The following APBA2 variants were observed in gnomAD, a reference collection of about 807,000 sequenced individuals.
The protein encoded by APBA2 is amyloid-beta A4 precursor protein-binding family A member 2.
APBA2 carries 30 observed loss-of-function variants against 75.0 expected under a neutral mutation model. The observed-to-expected ratio is 0.40, with a 90% CI of 0.30 to 0.54. The LOEUF (loss-of-function observed/expected upper bound fraction) is 0.54, where lower values mean the gene tolerates loss of function less well. Among genes scored for constraint, APBA2 ranks in the 20% least tolerant of loss-of-function variants. The probability of loss-of-function intolerance (pLI) is 0.49; values close to 1 mark genes in which losing one functional copy is unlikely to be tolerated. For missense variants in APBA2, 801 were observed against 1,016.1 expected (o/e 0.79, Z 2.88); for synonymous variants, 444 against 409.6 (o/e 1.08, Z -1.01).
At chr15:28,956,694 C>T (rs1472187249) in intron 2 of APBA2, among the ~76,000 whole-genome samples, 1 of 152,162 alleles carries the variant, frequency 6.6e-6, no homozygotes, top group African/African-American at 2.4e-5. Flanking sequence ...CCCTGCAAAA[C>T]TGAAACTCTG....
chr15:29,036,401 T>C (rs1368383649), intron 3 of APBA2, among the ~76,000 whole-genome samples: 1 of 152,158 alleles, frequency 6.6e-6, no homozygotes, highest in East Asian at 1.9e-4. Context: ...AGATGCTCAC[T>C]TCAAAGCGAG....
At chr15:28,949,408 C>A (rs1051414130) in intron 2 of APBA2, among the ~76,000 whole-genome samples, 3 of 152,222 alleles carry the variant, frequency 2.0e-5, no homozygotes, top group Admixed American at 6.5e-5. Flanking sequence ...CGTTAACCAG[C>A]CAGTTCCTAC....
chr15:29,079,219 G>T (rs2042981763), intron 6 of APBA2, among the ~76,000 whole-genome samples: 2 of 152,228 alleles, frequency 1.3e-5, no homozygotes, highest in South Asian at 4.2e-4. Context: ...GCCCTTCTTG[G>T]TGGGAGTTTT....
chr15:28,999,997 TG>T (rs2038758020), intron 3 of APBA2, among the ~76,000 whole-genome samples: 1 of 151,822 alleles, frequency 6.6e-6, no homozygotes. Context: ...AGGCAGAGAG[TG>T]AATTCAACCC....
At chr15:28,964,928 TCTTAA>T (rs1344872038) in intron 2 of APBA2, among the ~76,000 whole-genome samples, 3 of 152,054 alleles carry the variant, frequency 2.0e-5, no homozygotes, top group African/African-American at 4.8e-5. Context: ...TTTTCTGTTA[TCTTAA>T]CTTGACCCTT....
chr15:28,959,279 A>G (rs960817207), intron 2 of APBA2, among the ~76,000 whole-genome samples: 1 of 152,186 alleles, frequency 6.6e-6, no homozygotes, highest in East Asian at 1.9e-4. Context: ...GAGCCTCCGC[A>G]TTCAAATATA....
In APBA2 at chr15:29,053,982, A is replaced by G; in HGVS notation, c.98A>G (p.Asp33Gly). Residue 33 changes from aspartate to glycine, a missense_variant, in exon 4 of 15, where the codon GAC becomes GGC. Around this residue, in one of 2 missense-constraint regions of APBA2, gnomAD observed 434 missense variants for 471.6 expected, o/e 0.92. Transcript: ENST00000683413. Reference sequence around the variant, plus strand: ...CACAGCCAGGAGCCCGAGAGCGAGGACATGGAGCTGCCCTTGGAGGGCTAT... The same window carrying G: ...CACAGCCAGGAGCCCGAGAGCGAGGGCATGGAGCTGCCCTTGGAGGGCTAT... ...VPHSQEPESE[D>G]MELPLEGYVP... The G allele has an allele frequency of 6.2e-7, 1 of 1,613,982 alleles. No homozygotes were observed. Among genetic ancestry groups the G allele is most frequent in the Non-Finnish European group, 8.5e-7 (1 of 1,179,980 alleles).
At chr15:29,056,660 TC>T in intron 4 of APBA2, among the ~76,000 whole-genome samples, 1 of 119,574 alleles carries the variant, frequency 8.4e-6, no homozygotes, top group Non-Finnish European at 1.7e-5. Context: ...TCTCTCTCTC[TC>T]TCTTTCTTTC....
At chr15:29,052,618 A>G (rs985589366) in intron 3 of APBA2, among the ~76,000 whole-genome samples, 3 of 152,054 alleles carry the variant, frequency 2.0e-5, no homozygotes, top group African/African-American at 4.8e-5. Context: ...GCCCAGAGAG[A>G]CAGGGCTAAA....
Position 28,948,548 on chromosome 15 carries a change from G to A in APBA2, c.-95+26799G>A, listed in dbSNP as rs527260791. 7.9e-5 allele frequency among the ~76,000 whole-genome samples: 12 copies of A among 152,228 alleles called. No individual in the cohort carries two copies. In the South Asian group the frequency reaches 1.9e-3, roughly 24 times the overall value. On this transcript the variant is annotated intron_variant, in intron 2 of 14. Transcript: ENST00000683413. ...TCCTGGTGTGTCCAGTTTTGTCCCC[G>A]CAGCTTCACTGGCTGTCAGAGCCAC...
chr15:28,953,538 G>A (rs1040514630), intron 2 of APBA2, among the ~76,000 whole-genome samples: 9 of 151,864 alleles, frequency 5.9e-5, no homozygotes, highest in Admixed American at 3.9e-4. Flanking sequence ...CGCTCCAGTC[G>A]GACTTTTGCC....
chr15:28,900,866 T>C (rs1184734864), intron 1 of APBA2, among the ~76,000 whole-genome samples: 2 of 152,194 alleles, frequency 1.3e-5, no homozygotes, highest in Non-Finnish European at 2.9e-5. Flanking sequence ...CCTTGTAATA[T>C]GTATTGTAAA....
rs1476063601 is a variant in APBA2 at position 29,116,794 on chromosome 15, C to T, written c.2179-268C>T. Among the ~76,000 whole-genome samples the T allele has an allele frequency of 2.0e-5, 3 of 152,270 alleles. No individual in the cohort carries two copies. In the East Asian group the frequency reaches 5.8e-4, roughly 30 times the overall value. On this transcript the variant is annotated intron_variant, in intron 14 of 14. Coordinates refer to ENST00000683413, the MANE Select transcript of APBA2 (RefSeq NM_001353788.2). ...ACTAGAAGTCCAATTTCTCACCCCT[C>T]GGGTGTCAGCTGGACTGGAAGCAAA...
chr15:28,967,559 C>G (rs1240596990), intron 2 of APBA2, among the ~76,000 whole-genome samples: 8 of 152,106 alleles, frequency 5.3e-5, no homozygotes, highest in African/African-American at 1.9e-4. Flanking sequence ...CTGCCTCAGC[C>G]TCCCAAGTAG....
chr15:29,012,660 A>G (rs1158289983), intron 3 of APBA2, among the ~76,000 whole-genome samples: 1 of 152,120 alleles, frequency 6.6e-6, no homozygotes, highest in Non-Finnish European at 1.5e-5. Context: ...CCAGTATTGC[A>G]TTATTAATTT....
Position 29,114,008 on chromosome 15 carries a change from G to A in APBA2, c.2170G>A (p.Val724Ile), listed in dbSNP as rs997231394. ...EKIVQALSNSVGEIHMKTMPA... is the reference protein window; with the variant it reads ...EKIVQALSNSIGEIHMKTMPA... Reference sequence around the variant, plus strand: ...GATAGTCCAAGCTCTGTCCAACTCGGTCGGAGAGGTAAGGAGGGACTTTGA... The same window carrying A: ...GATAGTCCAAGCTCTGTCCAACTCGATCGGAGAGGTAAGGAGGGACTTTGA... Residue 724 changes from valine (V) to isoleucine (I), a missense_variant, in exon 14 of 15, where the codon GTC becomes ATC. Coordinates refer to ENST00000683413, the MANE Select transcript of APBA2 (RefSeq NM_001353788.2). 6.2e-7 allele frequency: 1 copy of A among 1,613,840 alleles called. No individual in the cohort carries two copies. Among genetic ancestry groups the A allele is most frequent in the Non-Finnish European group, 8.5e-7 (1 of 1,180,038 alleles).
chr15:29,031,709 A>G (rs975690232), intron 3 of APBA2, among the ~76,000 whole-genome samples: 1 of 152,118 alleles, frequency 6.6e-6, no homozygotes, highest in Non-Finnish European at 1.5e-5. Context: ...GGTGCATTTT[A>G]CAATCCTCTT....
At chr15:29,017,839 T>A (rs1192643241) in intron 3 of APBA2, among the ~76,000 whole-genome samples, 1 of 152,224 alleles carries the variant, frequency 6.6e-6, no homozygotes, top group Non-Finnish European at 1.5e-5. Context: ...GGCAATATCT[T>A]CTTCTATTTA....
rs117505960 is a variant in APBA2, at chr15:29,030,514, C to T, written c.-40-23331C>T. Among the ~76,000 whole-genome samples, 1,449 of 151,294 alleles carry T rather than the reference C, an allele frequency of 9.6e-3. 11 individuals carry two copies. Among genetic ancestry groups the T allele is most frequent in the Non-Finnish European group, 0.016 (1,055 of 67,764 alleles). On this transcript the variant is annotated intron_variant, in intron 3 of 14. Transcript: ENST00000683413. The stretch of plus-strand genomic sequence containing the variant: ...TAATAATAATAAAATAAAGGAGAAA[C>T]GCTTAAGGGAATTCTGTTTATTCAG...
Sources: gnomAD v4.1 joint callset for allele counts (sites outside exome capture counted in the v4.1 genomes callset) on GRCh38, gnomAD v4.1.1 for gene constraint, gnomAD v4.1.1 regional missense constraint, MANE v1.5 for transcripts, NCBI Gene and HGNC (gene_info 2026-07-23, HGNC 2026-07-21) for gene names.